Variants in SPOCK1 observed in about 807,000 individuals in gnomAD.
SPOCK1 encodes the protein testican-1.
SPOCK1 carries 23 observed loss-of-function variants against 55.3 expected under a neutral mutation model. That is an observed-to-expected ratio of 0.42 (90% CI 0.30 to 0.59). The LOEUF is 0.59. Ranked by LOEUF, SPOCK1 falls within the 20% of genes least tolerant of loss-of-function variation. SPOCK1 has a pLI of 0.22. For missense variants in SPOCK1, 499 were observed against 552.5 expected, an observed-to-expected ratio of 0.90 and a Z score of 0.97; for synonymous variants, 226 against 221.0, an observed-to-expected ratio of 1.02 and a Z score of -0.20.
intron 4 of SPOCK1, among the ~76,000 whole-genome samples, chr5:137,126,521 G>C (rs1188649854): frequency 1.3e-5 from 2 of 152,196 alleles, no homozygotes; most frequent in Admixed American, 1.3e-4. Context: ...CCAGCACTTT[G>C]GGAGGCCAAA....
intron 3 of SPOCK1, among the ~76,000 whole-genome samples, chr5:137,260,039 T>C (rs1756717300): frequency 6.6e-6 from 1 of 152,246 alleles, no homozygotes; most frequent in Non-Finnish European, 1.5e-5. Context: ...TGGAAAACTA[T>C]TCTGCCTGAA....
At chr5:137,227,381 G>A (rs1473236143) in intron 3 of SPOCK1, among the ~76,000 whole-genome samples, 3 of 152,216 alleles carry the variant, frequency 2.0e-5, no homozygotes, top group African/African-American at 7.2e-5. Flanking sequence ...AAGAAAAGTA[G>A]ACTTTGCTGC....
chr5:137,465,496 G>A (rs192969174), intron 2 of SPOCK1, among the ~76,000 whole-genome samples: 4 of 151,854 alleles, frequency 2.6e-5, no homozygotes, highest in African/African-American at 7.3e-5. Flanking sequence ...GCCTCAACTT[G>A]ATTCTTGTTT....
chr5:137,227,639 G>C (rs996710803), intron 3 of SPOCK1, among the ~76,000 whole-genome samples: 1 of 152,216 alleles, frequency 6.6e-6, no homozygotes, highest in African/African-American at 2.4e-5. Flanking sequence ...AAGGTCTATA[G>C]AGTAAGGAAA....
At position 137,498,532 on chromosome 5, in the gene SPOCK1, C is replaced by T. The variant is rs1329083051; in HGVS notation, c.27G>A (p.Ala9=). The T allele has an allele frequency of 6.5e-7, 1 of 1,542,294 alleles. No individual in the cohort carries two copies. The highest frequency in any genetic ancestry group is 1.9e-5 in the Admixed American group (1 of 51,744). The change falls in exon 2 of 11, where the codon GCG becomes GCA. Residue 9 remains alanine, a synonymous_variant. Coordinates refer to ENST00000394945, the MANE Select transcript of SPOCK1 (RefSeq NM_004598.4). ...GGAGGAAGCACCACGCCGCGGCGGC[C>T]GCCGCCAACACCGCGATCGCCGGCA... MPAIAVLA[A]AAAAWCFLQV...
At chr5:137,453,127 A>G (rs1016081553) in intron 2 of SPOCK1, among the ~76,000 whole-genome samples, 9 of 152,212 alleles carry the variant, frequency 5.9e-5, no homozygotes, top group African/African-American at 2.2e-4. Context: ...TGTCACAACT[A>G]GTAGGTTTGC....
chr5:137,172,949 G>C (rs997819439), intron 3 of SPOCK1, among the ~76,000 whole-genome samples: 1 of 152,176 alleles, frequency 6.6e-6, no homozygotes, highest in Admixed American at 6.5e-5. Flanking sequence ...GGTTGACCAG[G>C]ACACAAGTGA....
intron 2 of SPOCK1, among the ~76,000 whole-genome samples, chr5:137,487,180 A>G (rs1387530940): frequency 6.6e-6 from 1 of 152,174 alleles, no homozygotes; most frequent in Non-Finnish European, 1.5e-5. Context: ...AAATTCAAGC[A>G]GCTGGGGAAA....
At chr5:137,124,554 G>A (rs1461002873) in intron 4 of SPOCK1, among the ~76,000 whole-genome samples, 2 of 152,168 alleles carry the variant, frequency 1.3e-5, no homozygotes, top group African/African-American at 4.8e-5. Context: ...GATAAACCTA[G>A]GCCAGGCATG....
At chr5:137,283,714 C>G (rs1026444491) in intron 2 of SPOCK1, among the ~76,000 whole-genome samples, 2 of 147,802 alleles carry the variant, frequency 1.4e-5, no homozygotes, top group African/African-American at 5.0e-5. Flanking sequence ...AACCCTATCT[C>G]AAAAACAAGA....
chr5:137,188,604 T>C (rs541509390), intron 3 of SPOCK1, among the ~76,000 whole-genome samples: 26 of 152,264 alleles, frequency 1.7e-4, no homozygotes, highest in African/African-American at 6.0e-4. Context: ...TCCTCCCCCA[T>C]CTGTTTTCCT....
rs1561597305 is a variant in SPOCK1, at chr5:137,067,832, G to A, written c.475-3C>T. 1 of 1,612,084 alleles carries A rather than the reference G, an allele frequency of 6.2e-7. No individual in the cohort carries two copies. Among genetic ancestry groups the A allele is most frequent in the Non-Finnish European group, 8.5e-7 (1 of 1,178,198 alleles). ...CAAGCATGGAACTCCAATTTGCACT[G>A]CAAAAGAGAGACACAACAGGTCTTA... On this transcript the variant is annotated splice_region_variant and splice_polypyrimidine_tract_variant and intron_variant, in intron 5 of 10. Coordinates refer to ENST00000394945, the MANE Select transcript of SPOCK1 (RefSeq NM_004598.4).
intron 2 of SPOCK1, among the ~76,000 whole-genome samples, chr5:137,362,164 T>A (rs558321729): frequency 6.6e-5 from 10 of 152,090 alleles, no homozygotes; most frequent in Middle Eastern, 3.2e-3. Flanking sequence ...TCATCAAGCA[T>A]TGAGAAGTTC....
intron 2 of SPOCK1, among the ~76,000 whole-genome samples, chr5:137,420,581 G>A (rs1752465796): frequency 1.3e-5 from 2 of 152,186 alleles, no homozygotes; most frequent in African/African-American, 4.8e-5. Flanking sequence ...TAGTTTATTT[G>A]CGTAGAGGTG....
At chr5:137,221,674 G>A (rs1755850486) in intron 3 of SPOCK1, among the ~76,000 whole-genome samples, 1 of 152,152 alleles carries the variant, frequency 6.6e-6, no homozygotes, top group African/African-American at 2.4e-5. Context: ...CATTCATTAT[G>A]ATATGTGTTT....
chr5:137,149,846 G>A (rs7725749), intron 3 of SPOCK1, among the ~76,000 whole-genome samples: 4,380 of 152,232 alleles, frequency 0.029, 212 homozygotes, highest in African/African-American at 0.1. Flanking sequence ...GAGGAGAGAG[G>A]CAGCTTTGCC....
At chr5:137,160,240 T>C (rs1480932515) in intron 3 of SPOCK1, among the ~76,000 whole-genome samples, 1 of 149,680 alleles carries the variant, frequency 6.7e-6, no homozygotes, top group Non-Finnish European at 1.5e-5. Flanking sequence ...GTACTTCACT[T>C]AGAATAACAG....
chr5:137,038,234 G>T (rs1372401681), intron 6 of SPOCK1, among the ~76,000 whole-genome samples: 1 of 152,172 alleles, frequency 6.6e-6, no homozygotes, highest in East Asian at 1.9e-4. Context: ...GACCTTACTG[G>T]ATGTCAAATT....
At chr5:137,096,255 T>C (rs1209225157) in intron 5 of SPOCK1, among the ~76,000 whole-genome samples, 3 of 152,072 alleles carry the variant, frequency 2.0e-5, no homozygotes, top group Non-Finnish European at 2.9e-5. Flanking sequence ...CACTCCACTC[T>C]TTCCAGGTAG....
Sources: allele counts gnomAD v4.1 joint callset (sites outside exome capture counted in the v4.1 genomes callset), GRCh38; gene constraint gnomAD v4.1.1; transcripts MANE v1.5; gene names NCBI Gene and HGNC (gene_info 2026-07-23, HGNC 2026-07-21).